Variants in CADPS2 observed in about 807,000 individuals in gnomAD.
The protein encoded by CADPS2 is calcium dependent secretion activator 2.
In CADPS2, 93 loss-of-function variants were observed where a neutral mutation model predicts 172.5. The ratio of observed to expected loss-of-function variants is 0.54; its 90% CI spans 0.46 to 0.64. The LOEUF (loss-of-function observed/expected upper bound fraction) is 0.64, where lower values mean the gene tolerates loss of function less well. Among genes scored for constraint, CADPS2 ranks in the 30% least tolerant of loss-of-function variants. The probability of loss-of-function intolerance (pLI) is 0.00; values close to 1 mark genes in which losing one functional copy is unlikely to be tolerated. For missense variants in CADPS2, 1,420 were observed against 1,565.9 expected (o/e 0.91, Z 1.57); for synonymous variants, 546 against 555.2 (o/e 0.98, Z 0.23).
chr7:122,701,606 A>C (rs1564105531), intron 2 of CADPS2: 1 of 322,218 alleles, frequency 3.1e-6, no homozygotes. Context: ...ATAAATAAAT[A>C]AAATAAAATT....
intron 3 of CADPS2, among the ~76,000 whole-genome samples, chr7:122,629,879 T>C (rs1038161672): frequency 6.6e-6 from 1 of 152,082 alleles, no homozygotes; most frequent in Non-Finnish European, 1.5e-5. Flanking sequence ...GGCACCATAT[T>C]AGAAATCCAT....
chr7:122,620,836 G>T (rs1035268492), intron 5 of CADPS2, among the ~76,000 whole-genome samples: 6 of 152,188 alleles, frequency 3.9e-5, no homozygotes, highest in African/African-American at 1.4e-4. Context: ...AAATTACAAA[G>T]AATTCAATTA....
Position 122,834,347 on chromosome 7 carries a change from C to T in CADPS2, c.339+51652G>A, listed in dbSNP as rs139801803. ...ATGGCTGAATAGGAACAGCTCCAGT[C>T]TACAGCTCCCAGCGTGAGCGACACG... On this transcript the variant is annotated intron_variant, in intron 1 of 29. Coordinates refer to ENST00000449022, the MANE Select transcript of CADPS2 (RefSeq NM_017954.11). 1.3e-3 allele frequency among the ~76,000 whole-genome samples: 193 copies of T among 152,288 alleles called. 2 individuals are homozygous for T. The highest frequency in any genetic ancestry group is 0.011 in the Admixed American group (166 of 15,298).
Position 122,629,320 on chromosome 7 carries a change from G to A in CADPS2, c.795C>T (p.Asn265=), listed in dbSNP as rs772307099. Residue 265 remains asparagine (N), a synonymous_variant, in exon 4 of 30, where the codon AAC becomes AAT. Coordinates refer to ENST00000449022, the MANE Select transcript of CADPS2 (RefSeq NM_017954.11). ...QLLYNACQLD[N]ADEQAAQIRR... is the part of the protein sequence containing the mutation. Reference sequence around the variant, plus strand: ...TGATCTGGGCTGCTTGTTCATCTGCGTTATCCAGCTTAAAAATAAAACAGA... The same window carrying A: ...TGATCTGGGCTGCTTGTTCATCTGCATTATCCAGCTTAAAAATAAAACAGA... The A allele has an allele frequency of 3.2e-5, 51 of 1,605,850 alleles. No homozygotes were observed. Among genetic ancestry groups the A allele is most frequent in the Middle Eastern group, 1.7e-4 (1 of 6,050 alleles).
At chr7:122,467,610 G>A (rs919577105) in intron 14 of CADPS2, among the ~76,000 whole-genome samples, 1 of 152,168 alleles carries the variant, frequency 6.6e-6, no homozygotes, top group African/African-American at 2.4e-5. Flanking sequence ...ATCTGAGCTG[G>A]CGTTTGTCAG....
chr7:122,825,431 A>G (rs1054321392), intron 1 of CADPS2, among the ~76,000 whole-genome samples: 3 of 152,182 alleles, frequency 2.0e-5, no homozygotes, highest in Admixed American at 6.5e-5. Context: ...ATGTTTCAAT[A>G]TAATACCTTC....
At chr7:122,567,591 ATAAC>A (rs1217069401) in intron 7 of CADPS2, among the ~76,000 whole-genome samples, 2 of 152,194 alleles carry the variant, frequency 1.3e-5, no homozygotes, top group South Asian at 4.1e-4. Context: ...AGTTTAAAAG[ATAAC>A]TAACCATTTA....
At chr7:122,735,854 T>C (rs2092115018) in intron 2 of CADPS2, among the ~76,000 whole-genome samples, 1 of 152,198 alleles carries the variant, frequency 6.6e-6, no homozygotes, top group Admixed American at 6.6e-5. Context: ...TATAGAAATT[T>C]ACAGTTAATA....
intron 6 of CADPS2, among the ~76,000 whole-genome samples, chr7:122,608,736 G>A (rs1025123930): frequency 7.9e-5 from 12 of 152,152 alleles, no homozygotes; most frequent in Non-Finnish European, 2.9e-5. Context: ...ATGGGATGAA[G>A]GAGAGACAGA....
rs1360440618 is a variant in CADPS2, at chr7:122,819,693, CTT to C, written c.339+66304_339+66305del. Among the ~76,000 whole-genome samples the C allele has an allele frequency of 2.6e-5, 4 of 152,104 alleles. No individual in the cohort carries two copies. The East Asian group carries it at 7.7e-4, about 29-fold the overall frequency. On this transcript the variant is annotated intron_variant, in intron 1 of 29. Transcript: ENST00000449022. ...CCAGTTCCCTTATTAGGCTGAGACA[CTT>C]TAACTAAATTATCTGCTTCCCTGAC...
chr7:122,714,956 C>A (rs1297352197), intron 2 of CADPS2, among the ~76,000 whole-genome samples: 1 of 152,074 alleles, frequency 6.6e-6, no homozygotes, highest in Non-Finnish European at 1.5e-5. Flanking sequence ...AAACGTCATA[C>A]AGCTATAAGT....
chr7:122,371,552 A>T (rs747146278), intron 25 of CADPS2, among the ~76,000 whole-genome samples: 1 of 150,956 alleles, frequency 6.6e-6, no homozygotes, highest in Non-Finnish European at 1.5e-5. Flanking sequence ...CCCTTGACAC[A>T]TGGGGATTAT....
At chr7:122,654,914 C>T (rs2079563998) in intron 3 of CADPS2, among the ~76,000 whole-genome samples, 1 of 152,164 alleles carries the variant, frequency 6.6e-6, no homozygotes, top group Admixed American at 6.5e-5. Context: ...GTTAAAATGT[C>T]AACATGAACA....
At chr7:122,322,156 G>T (rs757877525) in intron 29 of CADPS2, among the ~76,000 whole-genome samples, 1 of 152,138 alleles carries the variant, frequency 6.6e-6, no homozygotes, top group African/African-American at 2.4e-5. Flanking sequence ...CAAACATAAA[G>T]TATTCACCTA....
chr7:122,379,326 T>A, intron 25 of CADPS2, 42 bp downstream of exon 25: 2 of 1,297,996 alleles, frequency 1.5e-6, no homozygotes, highest in Non-Finnish European at 2.2e-6. Flanking sequence ...CCATTGACAA[T>A]TTTTCACTTT....
intron 3 of CADPS2, among the ~76,000 whole-genome samples, chr7:122,642,700 C>T (rs899439113): frequency 3.9e-5 from 6 of 151,992 alleles, no homozygotes; most frequent in African/African-American, 9.7e-5. Context: ...AGCATCATTG[C>T]CCTCTCTAAT....
intron 7 of CADPS2, among the ~76,000 whole-genome samples, chr7:122,567,881 G>A (rs939184680): frequency 2.0e-5 from 3 of 151,828 alleles, no homozygotes; most frequent in Admixed American, 6.6e-5. Context: ...GAGGAGAAAC[G>A]GGATAACAGA....
chr7:122,870,844 G>A (rs372146944), intron 1 of CADPS2, among the ~76,000 whole-genome samples: 1 of 151,912 alleles, frequency 6.6e-6, no homozygotes, highest in African/African-American at 2.4e-5. Context: ...TTCAAATATT[G>A]CCTCAATATT....
chr7:122,733,338 C>G (rs1378773793), intron 2 of CADPS2, among the ~76,000 whole-genome samples: 1 of 151,838 alleles, frequency 6.6e-6, no homozygotes, highest in South Asian at 2.1e-4. Context: ...TACTGCAATA[C>G]CCATTCACTC....
Sources: allele counts gnomAD v4.1 joint callset (sites outside exome capture counted in the v4.1 genomes callset), GRCh38; gene constraint gnomAD v4.1.1; transcripts MANE v1.5; gene names NCBI Gene and HGNC (gene_info 2026-07-23, HGNC 2026-07-21).